The following ZCCHC14 variants were observed in gnomAD, a reference collection of about 807,000 sequenced individuals.
ZCCHC14 encodes zinc finger CCHC-type containing 14.
A neutral mutation model predicts 85.0 loss-of-function variants in ZCCHC14; 16 were observed. The ratio of observed to expected loss-of-function variants is 0.19; its 90% CI spans 0.13 to 0.29. The LOEUF is 0.29. ZCCHC14 is among the 10% of genes least tolerant of loss of function. The probability of loss-of-function intolerance (pLI) is 1.00; values close to 1 mark genes in which losing one functional copy is unlikely to be tolerated. For missense variants in ZCCHC14, 1,303 were observed against 1,443.5 expected, an observed-to-expected ratio of 0.90 and a Z score of 1.58; for synonymous variants, 775 against 630.7, an observed-to-expected ratio of 1.23 and a Z score of -3.43.
rs760964750 is a variant in ZCCHC14 at position 87,419,770 on chromosome 16, T to G, written c.1045+13A>C. ...TTTTTTAATTTATATTTAACCATAT[T>G]TTACAAACTCACTTGGACTCTGAAG... On this transcript the variant is annotated intron_variant, in intron 6 of 12. Transcript: ENST00000671377. The G allele has an allele frequency of 6.3e-6, 10 of 1,576,858 alleles. No individual in the cohort carries two copies. The East Asian group carries it at 2.2e-4, about 35-fold the overall frequency.
At chr16:87,414,681 A>G (rs1017181385) in intron 9 of ZCCHC14, 140 bp from the exon 10 acceptor site, 28 of 1,206,628 alleles carry the variant, frequency 2.3e-5, no homozygotes, top group Non-Finnish European at 2.4e-5. Flanking sequence ...TCCACACCAC[A>G]GGGAAATTCC....
At chr16:87,489,260 G>A (rs1023906187) in intron 1 of ZCCHC14, among the ~76,000 whole-genome samples, 2 of 152,162 alleles carry the variant, frequency 1.3e-5, no homozygotes, top group Non-Finnish European at 2.9e-5. Context: ...ATACGGAAAT[G>A]ACAGCCCAAG....
rs1056309321 is a variant in ZCCHC14, at chr16:87,415,128, A to T, written c.1475+148T>A. On this transcript the variant is annotated intron_variant, in intron 9 of 12. Transcript: ENST00000671377. ...ATAATCCGTCTCAAAAAATAAATAA[A>T]TAAAAATAAATAAAAGCATGGCTAA... 6 of 598,354 alleles carry T rather than the reference A, an allele frequency of 1.0e-5. No homozygotes were observed. In the African/African-American group the frequency reaches 1.2e-4, roughly 12 times the overall value. The allele number at this position is 598,354 out of a possible 1,614,324, so 37.1% of individuals were successfully genotyped here.
intron 1 of ZCCHC14, among the ~76,000 whole-genome samples, chr16:87,489,971 G>T (rs865896063): frequency 2.6e-5 from 4 of 152,154 alleles, no homozygotes; most frequent in Non-Finnish European, 5.9e-5. Context: ...GACCATAAAT[G>T]ACTGAGATTC....
intron 2 of ZCCHC14, among the ~76,000 whole-genome samples, chr16:87,458,210 G>A (rs1911070211): frequency 6.6e-6 from 1 of 152,168 alleles, no homozygotes; most frequent in South Asian, 2.1e-4. Flanking sequence ...TTCCTAGGCT[G>A]GACTGTCTGG....
chr16:87,448,785 C>T (rs924895351), intron 2 of ZCCHC14, among the ~76,000 whole-genome samples: 1 of 152,210 alleles, frequency 6.6e-6, no homozygotes, highest in Non-Finnish European at 1.5e-5. Flanking sequence ...TCAAAAAGAT[C>T]AGCCTCTGTT....
Position 87,406,681 on chromosome 16 carries a change from T to G in ZCCHC14, c.*3599A>C, listed in dbSNP as rs1908218140. 6.6e-6 allele frequency: 1 copy of G among 152,244 alleles called. No homozygotes were observed. The highest frequency in any genetic ancestry group is 1.5e-5 in the Non-Finnish European group (1 of 68,042). 9.4% of individuals were successfully genotyped at this position (152,244 alleles called of 1,614,324 possible). A position where few individuals can be genotyped will look rare whatever the true frequency, so the allele number is the denominator to read the frequency against. ...GGATGGCCACTGCCCCCTTCCTTGG[T>G]GAACAGTGGAGCAATGTTAACCTTT... On this transcript the variant is annotated 3_prime_UTR_variant, in exon 13 of 13. Coordinates refer to ENST00000671377, the MANE Select transcript of ZCCHC14 (RefSeq NM_015144.3).
At chr16:87,415,472 T>C (rs1908733705) in intron 8 of ZCCHC14, 105 bp from the exon 9 acceptor site, 5 of 938,604 alleles carry the variant, frequency 5.3e-6, no homozygotes, top group East Asian at 5.1e-5. Flanking sequence ...CTCTGGGATA[T>C]GCAAACAGAT....
intron 6 of ZCCHC14, among the ~76,000 whole-genome samples, chr16:87,419,273 A>C (rs1371068666): frequency 4.2e-5 from 5 of 118,814 alleles, no homozygotes; most frequent in East Asian, 2.4e-4. Flanking sequence ...GGATTACAGG[A>C]GCCTGCCACC....
At chr16:87,444,146 A>G (rs958865452) in intron 2 of ZCCHC14, among the ~76,000 whole-genome samples, 1 of 152,100 alleles carries the variant, frequency 6.6e-6, no homozygotes, top group Non-Finnish European at 1.5e-5. Context: ...CTCCATCAGC[A>G]GGGCACACAC....
At chr16:87,479,624 T>C (rs1388044914) in intron 1 of ZCCHC14, among the ~76,000 whole-genome samples, 3 of 152,356 alleles carry the variant, frequency 2.0e-5, no homozygotes, top group South Asian at 2.1e-4. Flanking sequence ...ATTGACATTA[T>C]GTAGCAAACT....
chr16:87,428,482 G>A (rs1909485734), intron 3 of ZCCHC14, among the ~76,000 whole-genome samples: 3 of 152,296 alleles, frequency 2.0e-5, no homozygotes, highest in Admixed American at 2.0e-4. Context: ...CTTACTTAAA[G>A]GACAATTTGA....
chr16:87,410,057 A>C lies in ZCCHC14; in HGVS notation c.*223T>G. ...AGGTGGCCGATCTCACCAGCCACAGAGATGCCCACTAGGCGAGTTCTGACA... is the reference window on the plus strand; with the variant it reads ...AGGTGGCCGATCTCACCAGCCACAGCGATGCCCACTAGGCGAGTTCTGACA... On this transcript the variant is annotated 3_prime_UTR_variant, in exon 13 of 13. Transcript: ENST00000671377. 2.4e-6 allele frequency: 1 copy of C among 423,732 alleles called. No individual in the cohort carries two copies. The highest frequency in any genetic ancestry group is 4.2e-6 in the Non-Finnish European group (1 of 239,532). 26.2% of individuals were successfully genotyped at this position (423,732 alleles called of 1,614,324 possible). A position where few individuals can be genotyped will look rare whatever the true frequency, so the allele number is the denominator to read the frequency against.
intron 1 of ZCCHC14, among the ~76,000 whole-genome samples, chr16:87,480,557 G>C (rs535395115): frequency 6.6e-6 from 1 of 152,314 alleles, no homozygotes; most frequent in African/African-American, 2.4e-5. Context: ...GGTTACAGGA[G>C]TGACTACTGT....
chr16:87,464,640 T>C (rs1227658869), intron 1 of ZCCHC14, among the ~76,000 whole-genome samples: 1 of 152,228 alleles, frequency 6.6e-6, no homozygotes, highest in Non-Finnish European at 1.5e-5. Context: ...TGGCAACTGC[T>C]GGAAAAGAAA....
At chr16:87,432,650 C>T (rs952531626) in intron 3 of ZCCHC14, among the ~76,000 whole-genome samples, 1 of 152,124 alleles carries the variant, frequency 6.6e-6, no homozygotes, top group African/African-American at 2.4e-5. Flanking sequence ...CCCTGGTCAC[C>T]GTGGGTCACC....
chr16:87,456,302 G>A (rs976251061), intron 2 of ZCCHC14, among the ~76,000 whole-genome samples: 9 of 151,986 alleles, frequency 5.9e-5, no homozygotes, highest in Non-Finnish European at 1.2e-4. Context: ...AAGCCGAGGC[G>A]GGCGGATCAC....
intron 2 of ZCCHC14, among the ~76,000 whole-genome samples, chr16:87,443,121 T>C (rs528241462): frequency 6.6e-6 from 1 of 152,348 alleles, no homozygotes; most frequent in African/African-American, 2.4e-5. Flanking sequence ...AAAATAGGTT[T>C]GATGGTTGAA....
At chr16:87,478,612 A>ATT (rs35147493) in intron 1 of ZCCHC14, among the ~76,000 whole-genome samples, 2,257 of 146,182 alleles carry the variant, frequency 0.015, 54 homozygotes, top group African/African-American at 0.052. Context: ...AATTTTACTA[A>ATT]TTTTTTTTTT....
Sources: gnomAD v4.1 joint callset for allele counts (sites outside exome capture counted in the v4.1 genomes callset) on GRCh38, gnomAD v4.1.1 for gene constraint, MANE v1.5 for transcripts, NCBI Gene and HGNC (gene_info 2026-07-23, HGNC 2026-07-21) for gene names.